Variants in PRKCA observed in about 807,000 individuals in gnomAD.
PRKCA encodes the protein protein kinase C alpha.
In PRKCA, 27 loss-of-function variants were observed where a neutral mutation model predicts 87.0. That is an observed-to-expected ratio of 0.31 (90% CI 0.23 to 0.43). The LOEUF is 0.43. Ranked by LOEUF, PRKCA falls within the 20% of genes least tolerant of loss-of-function variation. The pLI, the probability that PRKCA is intolerant of heterozygous loss-of-function variation, is 1.00. For synonymous variants in PRKCA, 329 were observed against 311.1 expected (o/e 1.06, Z -0.61); for missense variants, 518 against 852.3 (o/e 0.61, Z 4.88).
At chr17:66,760,105 T>C (rs1009680426) in intron 13 of PRKCA, among the ~76,000 whole-genome samples, 3 of 152,208 alleles carry the variant, frequency 2.0e-5, no homozygotes, top group Admixed American at 6.5e-5. Context: ...CAGAATAACA[T>C]ACATTCTTCA....
At chr17:66,407,578 C>T (rs1268375915) in intron 2 of PRKCA, among the ~76,000 whole-genome samples, 1 of 152,038 alleles carries the variant, frequency 6.6e-6, no homozygotes, top group African/African-American at 2.4e-5. Flanking sequence ...TGGACTAATG[C>T]ACCATCTATG....
At chr17:66,314,923 GTGTA>G (rs1199176994) in intron 2 of PRKCA, among the ~76,000 whole-genome samples, 1 of 149,606 alleles carries the variant, frequency 6.7e-6, no homozygotes, top group Admixed American at 6.8e-5. Context: ...GTGTATATGT[GTGTA>G]TATATATGTG....
intron 2 of PRKCA, among the ~76,000 whole-genome samples, chr17:66,387,020 CCTGA>C (rs1166162685): frequency 6.6e-6 from 1 of 152,058 alleles, no homozygotes; most frequent in Non-Finnish European, 1.5e-5. Flanking sequence ...CAACAAGGTG[CCTGA>C]CTAAGAGAGT....
chr17:66,670,654 G>A (rs1295076464), intron 5 of PRKCA, among the ~76,000 whole-genome samples: 1 of 152,052 alleles, frequency 6.6e-6, no homozygotes, highest in Non-Finnish European at 1.5e-5. Context: ...TTGAACCCAG[G>A]AATTGAAGAT....
At position 66,756,554 on chromosome 17, in the gene PRKCA, G is replaced by A. The variant is rs1241835463; in HGVS notation, c.1524+13794G>A. On this transcript the variant is annotated intron_variant, in intron 13 of 16. Transcript: ENST00000413366. Reference sequence around the variant, plus strand: ...GAAAACAATTACAGCACACTAAATGGCAAAAAAAAAAGAAAGCAATTTGAA... The same window carrying A: ...GAAAACAATTACAGCACACTAAATGACAAAAAAAAAAGAAAGCAATTTGAA... 1.0e-4 allele frequency among the ~76,000 whole-genome samples: 15 copies of A among 147,890 alleles called. 1 individual carries two copies. Among genetic ancestry groups the A allele is most frequent in the African/African-American group, 3.5e-4 (14 of 39,874 alleles).
chr17:66,439,345 T>A (rs932415635), intron 2 of PRKCA, among the ~76,000 whole-genome samples: 1 of 152,038 alleles, frequency 6.6e-6, no homozygotes, highest in African/African-American at 2.4e-5. Flanking sequence ...CATACCTGGC[T>A]AATTTTTGTA....
intron 5 of PRKCA, among the ~76,000 whole-genome samples, chr17:66,668,774 G>T (rs1217987017): frequency 6.6e-6 from 1 of 152,140 alleles, no homozygotes. Context: ...AGAAATTACA[G>T]AAGAGTATTT....
chr17:66,410,273 T>TTA (rs1159218431), intron 2 of PRKCA, among the ~76,000 whole-genome samples: 1 of 152,120 alleles, frequency 6.6e-6, no homozygotes, highest in East Asian at 1.9e-4. Flanking sequence ...TTTTTCCTAT[T>TTA]TATATGAGGA....
chr17:66,421,790 G>A (rs181529217), intron 2 of PRKCA, among the ~76,000 whole-genome samples: 3 of 150,548 alleles, frequency 2.0e-5, no homozygotes, highest in African/African-American at 4.9e-5. Context: ...TGATCCACCC[G>A]CCTTGGCCTC....
In PRKCA at chr17:66,769,633, T is replaced by A. The variant is rs372779016; in HGVS notation, c.1525-4354T>A. Among the ~76,000 whole-genome samples the A allele has an allele frequency of 7.9e-5, 12 of 152,152 alleles. No individual in the cohort carries two copies. In the East Asian group the frequency reaches 1.3e-3, roughly 17 times the overall value. On this transcript the variant is annotated intron_variant, in intron 13 of 16. Transcript: ENST00000413366. ...TTCCCACCTAGCATCACAGAGTGTG[T>A]TTTTCTTTAATTTTATAATTTGCAG...
chr17:66,364,877 G>A (rs977606228), intron 2 of PRKCA, among the ~76,000 whole-genome samples: 26 of 151,928 alleles, frequency 1.7e-4, no homozygotes, highest in Non-Finnish European at 3.7e-4. Flanking sequence ...TTTCTTCTAC[G>A]TGAGTGGCTC....
chr17:66,571,017 A>G (rs2062436922), intron 3 of PRKCA, among the ~76,000 whole-genome samples: 1 of 152,260 alleles, frequency 6.6e-6, no homozygotes, highest in Non-Finnish European at 1.5e-5. Flanking sequence ...ACTGTTTGCA[A>G]ATTGCAACTG....
intron 8 of PRKCA, among the ~76,000 whole-genome samples, chr17:66,725,692 C>T (rs1230572439): frequency 6.6e-6 from 1 of 151,736 alleles, no homozygotes; most frequent in Non-Finnish European, 1.5e-5. Context: ...TGCTTGTAGT[C>T]CCAGCTACTC....
At chr17:66,426,420 C>G (rs1912810516) in intron 2 of PRKCA, among the ~76,000 whole-genome samples, 1 of 152,142 alleles carries the variant, frequency 6.6e-6, no homozygotes, top group Non-Finnish European at 1.5e-5. Context: ...AGTGATTATA[C>G]AGGAGCAAGA....
At chr17:66,667,135 C>G (rs932482856) in intron 5 of PRKCA, among the ~76,000 whole-genome samples, 10 of 152,176 alleles carry the variant, frequency 6.6e-5, no homozygotes, top group African/African-American at 1.9e-4. Context: ...TCCCTTCCCC[C>G]ACCTCTGCCA....
intron 2 of PRKCA, among the ~76,000 whole-genome samples, chr17:66,446,260 C>T (rs1299629628): frequency 6.6e-6 from 1 of 152,000 alleles, no homozygotes; most frequent in African/African-American, 2.4e-5. Context: ...CACACACACT[C>T]ACACATTCAC....
At chr17:66,376,643 G>A (rs1041374544) in intron 2 of PRKCA, among the ~76,000 whole-genome samples, 2 of 151,854 alleles carry the variant, frequency 1.3e-5, no homozygotes, top group African/African-American at 4.8e-5. Flanking sequence ...TGAATAGGTC[G>A]TCTGCTGGGT....
intron 2 of PRKCA, among the ~76,000 whole-genome samples, chr17:66,352,570 T>TG (rs1323321912): frequency 1.5e-5 from 2 of 136,892 alleles, no homozygotes; most frequent in African/African-American, 5.4e-5. Context: ...TTTTTTTTTT[T>TG]TTTTTTTTTT....
At chr17:66,799,604 G>A (rs867228199) in intron 16 of PRKCA, among the ~76,000 whole-genome samples, 8 of 44,134 alleles carry the variant, frequency 1.8e-4, no homozygotes, top group Admixed American at 2.4e-4. Flanking sequence ...GGTGATGGTG[G>A]TGGTGGTGGT....
Sources: gnomAD v4.1 joint callset for allele counts (sites outside exome capture counted in the v4.1 genomes callset) on GRCh38, gnomAD v4.1.1 for gene constraint, MANE v1.5 for transcripts, NCBI Gene and HGNC (gene_info 2026-07-23, HGNC 2026-07-21) for gene names.